The following GALNT13 variants were observed in gnomAD, a reference collection of about 807,000 sequenced individuals.
The protein encoded by GALNT13 is polypeptide N-acetylgalactosaminyltransferase 13, also known as UDP-GalNAc:polypeptide N-acetylgalactosaminyltransferase 13.
Under a neutral mutation model 64.2 loss-of-function variants are expected in GALNT13, and 28 were observed. The ratio of observed to expected loss-of-function variants is 0.44; its 90% CI spans 0.32 to 0.60. The LOEUF (loss-of-function observed/expected upper bound fraction) is 0.60, where lower values mean the gene tolerates loss of function less well. GALNT13 is among the 20% of genes least tolerant of loss of function. GALNT13 has a pLI of 0.05. For synonymous variants in GALNT13, 214 were observed against 224.6 expected, an observed-to-expected ratio of 0.95 and a Z score of 0.42; for missense variants, 577 against 669.8, an observed-to-expected ratio of 0.86 and a Z score of 1.53.
intron 3 of GALNT13, among the ~76,000 whole-genome samples, chr2:154,056,254 C>T (rs1264135088): frequency 6.6e-6 from 1 of 151,980 alleles, no homozygotes. Context: ...CAGATATGCC[C>T]TCAGTTTATT....
chr2:154,291,451 C>A (rs1692625835), intron 8 of GALNT13, among the ~76,000 whole-genome samples: 1 of 152,212 alleles, frequency 6.6e-6, no homozygotes, highest in Non-Finnish European at 1.5e-5. Flanking sequence ...TCCAGGTCCC[C>A]ACCCTACCCA....
rs1238613797 is a variant in GALNT13, at chr2:154,133,534, T to TTG, written c.143-6802_143-6801insGT. ...TTTTTCAGTAACATAACAGACCATT[T>TTG]TATATATATATATATATATATATAT... On this transcript the variant is annotated intron_variant, in intron 3 of 12. Transcript: ENST00000392825. Among the ~76,000 whole-genome samples, 7 of 77,294 alleles carry TTG rather than the reference T, an allele frequency of 9.1e-5. No homozygotes were observed. In the East Asian group the frequency reaches 3.1e-3, roughly 35 times the overall value. 50.7% of individuals were successfully genotyped at this position (77,294 alleles called of 152,430 possible). A position where few individuals can be genotyped will look rare whatever the true frequency, so the allele number is the denominator to read the frequency against.
intron 3 of GALNT13, among the ~76,000 whole-genome samples, chr2:153,951,426 G>A (rs1480196735): frequency 6.6e-6 from 1 of 152,146 alleles, no homozygotes; most frequent in Non-Finnish European, 1.5e-5. Flanking sequence ...TGTATTCTGT[G>A]TAGGAAATGA....
At chr2:153,429,426 A>T in the GALNT13 span, among the ~76,000 whole-genome samples, 1 of 152,196 alleles carries the variant, frequency 6.6e-6, no homozygotes, top group Non-Finnish European at 1.5e-5. Context: ...AACTTTAAAG[A>T]ATTTTAATGT....
chr2:153,078,029 A>G, the GALNT13 span, among the ~76,000 whole-genome samples: 1 of 152,034 alleles, frequency 6.6e-6, no homozygotes. Context: ...TAGGTTTTGG[A>G]CATTTATTGC....
chr2:153,128,761 C>T, the GALNT13 span, among the ~76,000 whole-genome samples: 1 of 152,118 alleles, frequency 6.6e-6, no homozygotes, highest in South Asian at 2.1e-4. Context: ...ATTGGACTTA[C>T]AGTGCCACGT....
the GALNT13 span, among the ~76,000 whole-genome samples, chr2:153,753,538 C>A: frequency 6.6e-6 from 1 of 152,164 alleles, no homozygotes; most frequent in Non-Finnish European, 1.5e-5. Context: ...CAGGAGAATT[C>A]TCTGGATTAC....
chr2:154,036,884 T>C (rs942806139), intron 3 of GALNT13, among the ~76,000 whole-genome samples: 9 of 152,112 alleles, frequency 5.9e-5, no homozygotes, highest in Non-Finnish European at 4.4e-5. Context: ...AAATTTATTG[T>C]ATGTACATTG....
the GALNT13 span, among the ~76,000 whole-genome samples, chr2:153,528,152 C>A: frequency 1.6e-4 from 25 of 151,694 alleles, no homozygotes; most frequent in Non-Finnish European, 3.2e-4. Context: ...ATTAAAAAAA[C>A]AAGATCATTG....
At chr2:153,906,887 C>T (rs2105306124) in intron 2 of GALNT13, among the ~76,000 whole-genome samples, 1 of 151,072 alleles carries the variant, frequency 6.6e-6, no homozygotes, top group Non-Finnish European at 1.5e-5. Flanking sequence ...TCCTATTTCT[C>T]CACATCCTCT....
the GALNT13 span, among the ~76,000 whole-genome samples, chr2:153,565,330 C>A: frequency 3.2e-4 from 49 of 152,214 alleles, no homozygotes; most frequent in Middle Eastern, 6.8e-3. Context: ...ATCTTTCAAA[C>A]TCACAGGCTT....
At chr2:153,623,864 T>G in the GALNT13 span, among the ~76,000 whole-genome samples, 5 of 151,980 alleles carry the variant, frequency 3.3e-5, no homozygotes, top group Admixed American at 2.6e-4. Flanking sequence ...GTTTTATAAG[T>G]GAGGAATTAA....
At chr2:153,855,601 A>T in the GALNT13 span, among the ~76,000 whole-genome samples, 1 of 152,194 alleles carries the variant, frequency 6.6e-6, no homozygotes, top group Non-Finnish European at 1.5e-5. Flanking sequence ...ATTGTCCAGG[A>T]TGTAGAGAAA....
chr2:154,398,003 T>G (rs1250030028), intron 10 of GALNT13, among the ~76,000 whole-genome samples: 1 of 152,234 alleles, frequency 6.6e-6, no homozygotes, highest in Non-Finnish European at 1.5e-5. Flanking sequence ...GATTTATATT[T>G]AATGCAGAAA....
At chr2:154,311,517 A>G (rs935143998) in intron 9 of GALNT13, among the ~76,000 whole-genome samples, 1 of 152,170 alleles carries the variant, frequency 6.6e-6, no homozygotes, top group Non-Finnish European at 1.5e-5. Flanking sequence ...GAATATCACA[A>G]GGCAAGTGGA....
chr2:153,753,492 C>T, the GALNT13 span, among the ~76,000 whole-genome samples: 47 of 152,294 alleles, frequency 3.1e-4, no homozygotes, highest in African/African-American at 1.0e-3. Flanking sequence ...CTTGTAGATG[C>T]GCTGAGGTCC....
chr2:153,869,055 A>G (rs1373582), upstream of GALNT13, among the ~76,000 whole-genome samples: 34,946 of 152,060 alleles, frequency 0.23, 4,356 homozygotes, highest in Non-Finnish European at 0.27. Context: ...AAATTTACCA[A>G]TGGTGTTATA....
At chr2:154,257,867 C>T (rs1306613079) in intron 7 of GALNT13, 1 of 152,170 alleles carries the variant, frequency 6.6e-6, no homozygotes, top group African/African-American at 2.4e-5. Flanking sequence ...TCACAGACTA[C>T]TTAGATGAGC....
the GALNT13 span, among the ~76,000 whole-genome samples, chr2:153,206,817 T>A: frequency 6.6e-6 from 1 of 152,208 alleles, no homozygotes; most frequent in East Asian, 1.9e-4. Context: ...TTTAAAATAT[T>A]TTGTTGTTAT....
Sources: gnomAD v4.1 joint callset for allele counts (sites outside exome capture counted in the v4.1 genomes callset) on GRCh38, gnomAD v4.1.1 for gene constraint, MANE v1.5 for transcripts, NCBI Gene and HGNC (gene_info 2026-07-23, HGNC 2026-07-21) for gene names.